WWOX: variants seen among roughly 807,000 people sequenced by gnomAD.
WWOX encodes the protein WW domain containing oxidoreductase.
In WWOX, 69 loss-of-function variants were observed where a neutral mutation model predicts 46.2. The ratio of observed to expected loss-of-function variants is 1.49; its 90% CI spans 1.23 to 1.82. The LOEUF (loss-of-function observed/expected upper bound fraction) is 1.82. WWOX is among the 40% of genes most tolerant of loss of function. The pLI is 0.00. For synonymous variants in WWOX, 359 were observed against 202.6 expected (o/e 1.77, Z -6.56); for missense variants, 919 against 542.6 (o/e 1.69, Z -6.89).
intron 4 of WWOX, among the ~76,000 whole-genome samples, chr16:78,130,679 G>A (rs748327518): frequency 3.3e-5 from 5 of 152,214 alleles, no homozygotes; most frequent in Non-Finnish European, 7.3e-5. Context: ...AAAACTGTGT[G>A]ATGATATTGG....
chr16:79,097,582 A>G (rs2049102695), intron 8 of WWOX, among the ~76,000 whole-genome samples: 1 of 152,176 alleles, frequency 6.6e-6, no homozygotes, highest in African/African-American at 2.4e-5. Context: ...TCTCCTACTG[A>G]GAACCAGAGA....
chr16:78,542,046 A>T (rs76626394), intron 8 of WWOX, among the ~76,000 whole-genome samples: 2 of 145,688 alleles, frequency 1.4e-5, no homozygotes, highest in African/African-American at 2.5e-5. Context: ...AAAAAAAAAA[A>T]GTAAATTGCA....
chr16:79,021,309 G>A (rs771284135), intron 8 of WWOX, among the ~76,000 whole-genome samples: 23 of 152,132 alleles, frequency 1.5e-4, no homozygotes, highest in Non-Finnish European at 2.1e-4. Flanking sequence ...CAAGATTAGC[G>A]AGATATTGTC....
At chr16:78,802,414 C>G (rs906916223) in intron 8 of WWOX, among the ~76,000 whole-genome samples, 1 of 151,766 alleles carries the variant, frequency 6.6e-6, no homozygotes, top group African/African-American at 2.4e-5. Context: ...GCCGAGGAAG[C>G]AAGTGTATTT....
intron 8 of WWOX, among the ~76,000 whole-genome samples, chr16:78,558,181 G>T (rs577041699): frequency 7.9e-5 from 12 of 152,208 alleles, no homozygotes; most frequent in African/African-American, 2.9e-4. Context: ...CCGCCTTCCC[G>T]GAGGTCAGCT....
intron 8 of WWOX, among the ~76,000 whole-genome samples, chr16:78,858,437 C>G (rs895110892): frequency 6.6e-6 from 1 of 151,166 alleles, no homozygotes; most frequent in Admixed American, 6.6e-5. Flanking sequence ...TTGGAAAAAG[C>G]AAATTGAAGA....
chr16:78,285,642 A>G (rs532875226), intron 5 of WWOX, among the ~76,000 whole-genome samples: 56 of 152,248 alleles, frequency 3.7e-4, no homozygotes, highest in African/African-American at 1.2e-3. Context: ...GCCAGTAGGT[A>G]AGGACAGTGG....
intron 8 of WWOX, among the ~76,000 whole-genome samples, chr16:78,487,454 C>G (rs1378087396): frequency 2.6e-5 from 4 of 152,150 alleles, no homozygotes; most frequent in Non-Finnish European, 5.9e-5. Flanking sequence ...AATGTTCCGT[C>G]TTTGCATGGT....
intron 8 of WWOX, among the ~76,000 whole-genome samples, chr16:78,961,706 G>A (rs1406721463): frequency 2.0e-5 from 3 of 152,078 alleles, no homozygotes; most frequent in Non-Finnish European, 4.4e-5. Flanking sequence ...GCATATTCTG[G>A]GTATCACTTC....
At chr16:78,105,016 C>T (rs1046809158) in intron 1 of WWOX, among the ~76,000 whole-genome samples, 1 of 152,212 alleles carries the variant, frequency 6.6e-6, no homozygotes, top group Non-Finnish European at 1.5e-5. Context: ...CTCTCTGCTT[C>T]AGCTGGTTCC....
intron 8 of WWOX, among the ~76,000 whole-genome samples, chr16:78,842,749 G>A (rs935476667): frequency 1.3e-5 from 2 of 150,822 alleles, no homozygotes; most frequent in African/African-American, 4.8e-5. Context: ...CTACTCAGGA[G>A]GCTGAGGCAG....
rs1472500987 is a variant in WWOX, at chr16:78,338,087, G to C, written c.517-48773G>C. ...GACAGATCAAAAGCCTTCTGGAAAG[G>C]AGAGATGGTAACTAATTTAGGCAGT... On this transcript the variant is annotated intron_variant, in intron 5 of 8. Coordinates refer to ENST00000566780, the MANE Select transcript of WWOX (RefSeq NM_016373.4). Among the ~76,000 whole-genome samples the C allele has an allele frequency of 1.6e-5, 2 of 121,282 alleles. 1 individual carries two copies. Among genetic ancestry groups the C allele is most frequent in the Non-Finnish European group, 3.9e-5 (2 of 50,716 alleles). The allele number at this position is 121,282 out of a possible 152,430, so 79.6% of individuals were successfully genotyped here.
At chr16:78,609,635 C>G (rs1268797900) in intron 8 of WWOX, among the ~76,000 whole-genome samples, 1 of 151,556 alleles carries the variant, frequency 6.6e-6, no homozygotes, top group Non-Finnish European at 1.5e-5. Context: ...GCTTCCTGGT[C>G]CCTGTCACTC....
chr16:78,577,824 A>G (rs957461831), intron 8 of WWOX, among the ~76,000 whole-genome samples: 1 of 152,140 alleles, frequency 6.6e-6, no homozygotes, highest in African/African-American at 2.4e-5. Flanking sequence ...AGTTTAGCAC[A>G]TGTACAGATG....
chr16:78,739,903 G>T (rs945228148), intron 8 of WWOX, among the ~76,000 whole-genome samples: 4 of 152,152 alleles, frequency 2.6e-5, no homozygotes, highest in Non-Finnish European at 2.9e-5. Flanking sequence ...CTGGGTCAGA[G>T]AATTGTGCAT....
rs1438134131 is a variant in WWOX, at chr16:78,750,480, ATTTTATT to A, written c.1056+317740_1056+317746del. ...GTGTAAGTAAACTGGGATTTATTTT[ATTTTATT>A]TTTTATTTTTTGTTTCAGTTTCGGG... On this transcript the variant is annotated intron_variant, in intron 8 of 8. Coordinates refer to ENST00000566780, the MANE Select transcript of WWOX (RefSeq NM_016373.4). Among the ~76,000 whole-genome samples the A allele has an allele frequency of 4.6e-5, 7 of 152,238 alleles. No homozygotes were observed. In the East Asian group the frequency reaches 1.2e-3, roughly 25 times the overall value.
At chr16:78,327,049 C>A (rs144700440) in intron 5 of WWOX, among the ~76,000 whole-genome samples, 10 of 152,144 alleles carry the variant, frequency 6.6e-5, no homozygotes, top group Non-Finnish European at 1.3e-4. Context: ...CTCAGCACTG[C>A]GCTGGGCACT....
At chr16:78,985,261 C>T (rs2046762198) in intron 8 of WWOX, among the ~76,000 whole-genome samples, 1 of 152,220 alleles carries the variant, frequency 6.6e-6, no homozygotes, top group Non-Finnish European at 1.5e-5. Flanking sequence ...ACGCTGTCTT[C>T]TGTCACTCTG....
chr16:78,828,062 C>A (rs147193919), intron 8 of WWOX, among the ~76,000 whole-genome samples: 81 of 152,226 alleles, frequency 5.3e-4, no homozygotes, highest in African/African-American at 1.9e-3. Context: ...AACTGGGAGC[C>A]CTGGTGTGTC....
Sources: allele counts gnomAD v4.1 joint callset (sites outside exome capture counted in the v4.1 genomes callset), GRCh38; gene constraint gnomAD v4.1.1; transcripts MANE v1.5; gene names NCBI Gene and HGNC (gene_info 2026-07-23, HGNC 2026-07-21).